The following MDGA2 variants were observed in gnomAD, a reference collection of about 807,000 sequenced individuals.
The protein encoded by MDGA2 is MAM domain containing glycosylphosphatidylinositol anchor 2.
Under a neutral mutation model 117.8 loss-of-function variants are expected in MDGA2, and 40 were observed. The ratio of observed to expected loss-of-function variants is 0.34; its 90% CI spans 0.26 to 0.44. The LOEUF (loss-of-function observed/expected upper bound fraction) is 0.44. MDGA2 is among the 20% of genes least tolerant of loss of function. The probability of loss-of-function intolerance (pLI) is 1.00; values close to 1 mark genes in which losing one functional copy is unlikely to be tolerated. For missense variants in MDGA2, 1,123 were observed against 1,250.6 expected, an observed-to-expected ratio of 0.90 and a Z score of 1.54; for synonymous variants, 452 against 439.0, an observed-to-expected ratio of 1.03 and a Z score of -0.37.
chr14:47,187,665 G>A (rs116632518), intron 3 of MDGA2, among the ~76,000 whole-genome samples: 2,208 of 151,934 alleles, frequency 0.015, 61 homozygotes, highest in African/African-American at 0.051. Context: ...TAAAAGTTTT[G>A]GATTTTTTGG....
chr14:47,386,912 T>C (rs2138429266), intron 1 of MDGA2, among the ~76,000 whole-genome samples: 1 of 152,338 alleles, frequency 6.6e-6, no homozygotes, highest in East Asian at 1.9e-4. Flanking sequence ...AGAGTATTAA[T>C]ATCTACTTCA....
intron 14 of MDGA2, among the ~76,000 whole-genome samples, chr14:46,861,277 A>T (rs1441483315): frequency 6.6e-6 from 1 of 151,936 alleles, no homozygotes; most frequent in Non-Finnish European, 1.5e-5. Context: ...TAAATACATG[A>T]TTTAGTAAAA....
intron 1 of MDGA2, among the ~76,000 whole-genome samples, chr14:47,616,533 T>G (rs1896951308): frequency 6.6e-6 from 1 of 152,048 alleles, no homozygotes; most frequent in Non-Finnish European, 1.5e-5. Flanking sequence ...CTGTCTTGAG[T>G]TTCCAAACGC....
chr14:47,381,874 A>G (rs1224176280), intron 1 of MDGA2, among the ~76,000 whole-genome samples: 1 of 152,168 alleles, frequency 6.6e-6, no homozygotes, highest in Non-Finnish European at 1.5e-5. Flanking sequence ...TAAAATTCAT[A>G]TGGAACCAAA....
chr14:47,461,691 A>T (rs1376237607), intron 1 of MDGA2, among the ~76,000 whole-genome samples: 2 of 152,124 alleles, frequency 1.3e-5, no homozygotes, highest in African/African-American at 4.8e-5. Context: ...TAAAAACGAA[A>T]AAAATAAAAA....
intron 10 of MDGA2, among the ~76,000 whole-genome samples, chr14:46,893,394 C>T (rs3007099): frequency 1 from 151,811 of 152,032 alleles, 75,795 homozygotes; most frequent in Middle Eastern, 1. Context: ...AAGGGTACAA[C>T]GTTCAGTTAT....
At chr14:47,129,239 TC>T (rs535856949) in intron 5 of MDGA2, among the ~76,000 whole-genome samples, 56 of 148,060 alleles carry the variant, frequency 3.8e-4, no homozygotes, top group African/African-American at 1.2e-3. Flanking sequence ...ATGCTATAGC[TC>T]CCCCCCCGAC....
intron 14 of MDGA2, among the ~76,000 whole-genome samples, chr14:46,870,447 T>C (rs1881949749): frequency 6.6e-6 from 1 of 151,886 alleles, no homozygotes; most frequent in South Asian, 2.1e-4. Context: ...TGAATGAAAG[T>C]CCGAAAATAA....
intron 1 of MDGA2, among the ~76,000 whole-genome samples, chr14:47,464,295 A>C (rs78542242): frequency 0.11 from 16,479 of 152,128 alleles, 1,098 homozygotes; most frequent in Non-Finnish European, 0.13. Flanking sequence ...TATTTGAATT[A>C]AATATTTAAA....
At chr14:47,664,565 C>A (rs947440446) in intron 1 of MDGA2, among the ~76,000 whole-genome samples, 4 of 152,166 alleles carry the variant, frequency 2.6e-5, no homozygotes, top group Non-Finnish European at 4.4e-5. Flanking sequence ...AAGATTTTTG[C>A]CTGAAGTAAC....
chr14:46,999,553 A>C (rs970460989), intron 8 of MDGA2, among the ~76,000 whole-genome samples: 3 of 152,120 alleles, frequency 2.0e-5, no homozygotes, highest in Non-Finnish European at 4.4e-5. Context: ...CAATTTATTG[A>C]TAGATGTATT....
chr14:47,592,843 G>A (rs182088501), intron 1 of MDGA2, among the ~76,000 whole-genome samples: 5 of 152,122 alleles, frequency 3.3e-5, no homozygotes, highest in Admixed American at 2.6e-4. Flanking sequence ...ATTTCATGAC[G>A]AAAATGTCAA....
Position 47,450,101 on chromosome 14 carries a change from T to A in MDGA2, c.281-148551A>T, listed in dbSNP as rs1893209590. On this transcript the variant is annotated intron_variant, in intron 1 of 16. Coordinates refer to ENST00000399232, the MANE Select transcript of MDGA2 (RefSeq NM_001113498.3). ...ATTAACTAACACATGCATTACCACA[T>A]ATATTCTTTTTTCTTAATATCTATC... Among the ~76,000 whole-genome samples the A allele has an allele frequency of 2.6e-5, 4 of 152,202 alleles. No homozygotes were observed. In the South Asian group the frequency reaches 6.2e-4, roughly 24 times the overall value.
chr14:47,294,688 T>A (rs72682164), intron 2 of MDGA2, among the ~76,000 whole-genome samples: 13,857 of 152,054 alleles, frequency 0.091, 778 homozygotes, highest in Non-Finnish European at 0.11. Flanking sequence ...CTTATTCAAG[T>A]GCATGCACTC....
chr14:47,193,533 T>A (rs1020323172), intron 3 of MDGA2, among the ~76,000 whole-genome samples: 15 of 152,150 alleles, frequency 9.9e-5, no homozygotes, highest in African/African-American at 3.6e-4. Context: ...ATCTTTGATC[T>A]CTCAATGTAT....
In MDGA2 at chr14:47,131,782, A is replaced by C. The variant is rs371545509; in HGVS notation, c.857T>G (p.Ile286Ser). ...ATTACATACATTCCTCACTGAAGCA[A>C]TGCAGCTATAATTAGCATAGTCCTG... ...RPQDYANYSCIASVRNVCNIP... is the reference protein window; with the variant it reads ...RPQDYANYSCSASVRNVCNIP... Residue 286 changes from isoleucine to serine, a missense_variant, in exon 5 of 17, where the codon ATT (isoleucine) becomes AGT (serine). By Grantham distance (142) the Ile-to-Ser change is moderately radical. This residue lies in a region of MDGA2 where 890 missense variants were observed against 1,050.3 expected (regional missense o/e 0.85). Transcript: ENST00000399232. 1 of 1,595,646 alleles carries C rather than the reference A, an allele frequency of 6.3e-7. No homozygotes were observed. The highest frequency in any genetic ancestry group is 8.6e-7 in the Non-Finnish European group (1 of 1,166,484).
intron 8 of MDGA2, among the ~76,000 whole-genome samples, chr14:46,988,100 G>A (rs1300109577): frequency 6.6e-6 from 1 of 151,802 alleles, no homozygotes; most frequent in Admixed American, 6.6e-5. Context: ...TGGCTTCTTA[G>A]GATGGTACTA....
chr14:47,074,693 A>C (rs1174549548), intron 6 of MDGA2, among the ~76,000 whole-genome samples: 2 of 152,046 alleles, frequency 1.3e-5, no homozygotes, highest in Non-Finnish European at 2.9e-5. Context: ...ACCTATTCTG[A>C]CCTTTTGTTT....
In MDGA2 at chr14:47,602,797, G is replaced by A. The variant is rs569610384; in HGVS notation, c.280+71720C>T. ...ACATTTCCCTTATTCAGGGCTCAAG[G>A]ACTGTGAAATACGTTGTACTATATA... On this transcript the variant is annotated intron_variant, in intron 1 of 16. Transcript: ENST00000399232. 2.0e-5 allele frequency among the ~76,000 whole-genome samples: 3 copies of A among 152,254 alleles called. No individual in the cohort carries two copies. In the South Asian group the frequency reaches 6.2e-4, roughly 32 times the overall value.
Sources: allele counts gnomAD v4.1 joint callset (sites outside exome capture counted in the v4.1 genomes callset), GRCh38; gene constraint gnomAD v4.1.1; regional missense constraint gnomAD v4.1.1; transcripts MANE v1.5; gene names NCBI Gene and HGNC (gene_info 2026-07-23, HGNC 2026-07-21).